Variants in CSPP1 observed in about 807,000 individuals in gnomAD.
CSPP1 encodes centrosome and spindle pole-associated protein 1.
CSPP1 carries 126 observed loss-of-function variants against 164.4 expected under a neutral mutation model. That is an observed-to-expected ratio of 0.77 (90% CI 0.66 to 0.89). The LOEUF is 0.89. Ranked by LOEUF, CSPP1 falls within the 40% of genes least tolerant of loss-of-function variation. CSPP1 has a pLI of 0.00. For synonymous variants in CSPP1, 472 were observed against 476.7 expected (o/e 0.99, Z 0.13); for missense variants, 1,395 against 1,449.8 (o/e 0.96, Z 0.61).
intron 3 of CSPP1, chr8:67,084,487 G>A (rs1809965476): frequency 6.6e-6 from 1 of 152,152 alleles, no homozygotes; most frequent in Non-Finnish European, 1.5e-5. Context: ...CAGCTACATT[G>A]TGAGAAATAA....
intron 15 of CSPP1, among the ~76,000 whole-genome samples, chr8:67,122,526 A>G (rs1320054342): frequency 1.3e-5 from 2 of 152,238 alleles, no homozygotes; most frequent in Non-Finnish European, 2.9e-5. Flanking sequence ...CTTTCCACAT[A>G]ATTGTGAATT....
Position 67,130,915 on chromosome 8 carries a change from G to C in CSPP1, c.1698-1036G>C, listed in dbSNP as rs1821102222. Among the ~76,000 whole-genome samples the C allele has an allele frequency of 2.6e-5, 4 of 152,250 alleles. No individual in the cohort carries two copies. The South Asian group carries it at 8.3e-4, about 32-fold the overall frequency. On this transcript the variant is annotated intron_variant, in intron 15 of 30. Transcript: ENST00000678616. ...AGGCAGGAGAATCGCTTAAACCCGG[G>C]AGGCGGATGTTGCAGTGAGCGGAGA... is the stretch of plus-strand genomic sequence containing the variant.
At chr8:67,113,012 G>C (rs868262359) in intron 10 of CSPP1, among the ~76,000 whole-genome samples, 11 of 152,166 alleles carry the variant, frequency 7.2e-5, no homozygotes, top group Non-Finnish European at 1.2e-4. Flanking sequence ...TTCGGAGGCC[G>C]AGGTGGGTGG....
intron 2 of CSPP1, 124 bp from the exon 3 acceptor site, chr8:67,076,358 A>G (rs934609409): frequency 4.7e-6 from 2 of 426,188 alleles, no homozygotes; most frequent in Non-Finnish European, 8.2e-6. Context: ...CAAACCTTAC[A>G]CTTAATTTCT....
chr8:67,121,976 C>T (rs2129552106), intron 15 of CSPP1, among the ~76,000 whole-genome samples: 1 of 151,944 alleles, frequency 6.6e-6, no homozygotes, highest in South Asian at 2.1e-4. Flanking sequence ...CCTTACAGTC[C>T]TTTCTTATTT....
chr8:67,126,199 T>C (rs550874351), intron 15 of CSPP1, among the ~76,000 whole-genome samples: 1 of 152,368 alleles, frequency 6.6e-6, no homozygotes, highest in South Asian at 2.1e-4. Flanking sequence ...ATAAAAATCT[T>C]TGTTGATTAA....
At chr8:67,134,809 T>G (rs1300917181) in intron 16 of CSPP1, 8 of 152,296 alleles carry the variant, frequency 5.3e-5, no homozygotes, top group African/African-American at 1.4e-4. Context: ...GTGATCCACC[T>G]GCCTCGGCCT....
At chr8:67,096,603 G>T (rs1812848940) in intron 7 of CSPP1, among the ~76,000 whole-genome samples, 1 of 150,006 alleles carries the variant, frequency 6.7e-6, no homozygotes, top group East Asian at 2.0e-4. Flanking sequence ...TGTGCCTCAC[G>T]CTTGTAATCC....
chr8:67,121,398 T>C (rs1257331027), intron 15 of CSPP1, among the ~76,000 whole-genome samples: 2 of 152,216 alleles, frequency 1.3e-5, no homozygotes, highest in Non-Finnish European at 2.9e-5. Context: ...TGTTAAATTT[T>C]GTCAAATGCT....
At position 67,192,077 on chromosome 8, in the gene CSPP1, TG is replaced by T. The variant is rs368672945; in HGVS notation, c.3330+1319del. On this transcript the variant is annotated intron_variant, in intron 29 of 30. Transcript: ENST00000678616. ...TCCTTTGCTGATTTGTTTTTTTTTT[TG>T]TTTTTTTTTTTTGATACAGAGTCCT... Among the ~76,000 whole-genome samples the T allele has an allele frequency of 2.3e-3, 327 of 145,044 alleles. 4 individuals are homozygous for T. Among genetic ancestry groups the T allele is most frequent in the African/African-American group, 7.9e-3 (314 of 39,632 alleles).
chr8:67,191,097 T>C (rs912939632), intron 29 of CSPP1, among the ~76,000 whole-genome samples: 2 of 152,176 alleles, frequency 1.3e-5, no homozygotes, highest in Non-Finnish European at 2.9e-5. Flanking sequence ...ATAACCTAAT[T>C]CTGTGATATA....
At chr8:67,182,307 C>T (rs576795918) in intron 28 of CSPP1, among the ~76,000 whole-genome samples, 1 of 147,568 alleles carries the variant, frequency 6.8e-6, no homozygotes, top group Admixed American at 6.6e-5. Flanking sequence ...CACACCCAGC[C>T]AGATTTCCCC....
At chr8:67,128,518 G>A (rs573607514) in intron 15 of CSPP1, among the ~76,000 whole-genome samples, 34 of 145,336 alleles carry the variant, frequency 2.3e-4, no homozygotes, top group African/African-American at 8.2e-4. Flanking sequence ...CAGCTTGGGC[G>A]ACTAGAGTGA....
At chr8:67,111,823 G>A (rs1816906983) in intron 9 of CSPP1, 149 bp from the exon 10 acceptor site, 3 of 476,244 alleles carry the variant, frequency 6.3e-6, no homozygotes, top group Admixed American at 7.8e-5. Context: ...ATTGAAGAAG[G>A]ACTGATTCAT....
At chr8:67,106,819 G>C (rs1815642811) in intron 9 of CSPP1, among the ~76,000 whole-genome samples, 1 of 152,088 alleles carries the variant, frequency 6.6e-6, no homozygotes. Flanking sequence ...CGTAAAAACA[G>C]TCAGTAAATT....
At chr8:67,128,674 A>G (rs755154257) in intron 15 of CSPP1, among the ~76,000 whole-genome samples, 3 of 152,204 alleles carry the variant, frequency 2.0e-5, no homozygotes, top group Non-Finnish European at 4.4e-5. Flanking sequence ...TAAGACCAGT[A>G]TGAAATGGAA....
At chr8:67,163,675 C>G in intron 22 of CSPP1, 57 bp from the exon 23 acceptor site, 1 of 1,328,898 alleles carries the variant, frequency 7.5e-7, no homozygotes, top group Admixed American at 1.9e-5. Flanking sequence ...TTACTCCCTT[C>G]AAGCTTCTGT....
At chr8:67,177,845 G>A (rs1832057505) in intron 27 of CSPP1, 119 bp downstream of exon 27, 1 of 767,016 alleles carries the variant, frequency 1.3e-6, no homozygotes, top group Non-Finnish European at 2.4e-6. Flanking sequence ...AAGAACGTAA[G>A]TCTTATCAGT....
In CSPP1 at chr8:67,065,487, T is replaced by A. The variant is rs528172956; in HGVS notation, c.-11+949T>A. The A allele has an allele frequency of 1.6e-4, 157 of 966,426 alleles. No homozygotes were observed. The South Asian group carries it at 7.0e-3, about 43-fold the overall frequency. 59.9% of individuals were successfully genotyped at this position (966,426 alleles called of 1,614,324 possible). A position where few individuals can be genotyped will look rare whatever the true frequency, so the allele number is the denominator to read the frequency against. On this transcript the variant is annotated intron_variant, in intron 1 of 30. Coordinates refer to ENST00000678616, the MANE Select transcript of CSPP1 (RefSeq NM_001382391.1). Reference sequence around the variant, plus strand: ...AAAAAGCCTAAATTAGGCTTTATTCTGTGTGAAGGAATGACTTGTAATGTT... The same window carrying A: ...AAAAAGCCTAAATTAGGCTTTATTCAGTGTGAAGGAATGACTTGTAATGTT...
Sources: allele counts gnomAD v4.1 joint callset (sites outside exome capture counted in the v4.1 genomes callset), GRCh38; gene constraint gnomAD v4.1.1; transcripts MANE v1.5; gene names NCBI Gene and HGNC (gene_info 2026-07-23, HGNC 2026-07-21).